The following JPH3 variants were observed in gnomAD, a reference collection of about 807,000 sequenced individuals.
JPH3 encodes the protein junctophilin-3.
In JPH3, 11 loss-of-function variants were observed where a neutral mutation model predicts 59.6. The ratio of observed to expected loss-of-function variants is 0.18; its 90% CI spans 0.12 to 0.31. JPH3 has a LOEUF of 0.31. Among genes scored for constraint, JPH3 ranks in the 10% least tolerant of loss-of-function variants. JPH3 has a pLI of 1.00. For synonymous variants in JPH3, 673 were observed against 483.6 expected (o/e 1.39, Z -5.14); for missense variants, 1,202 against 1,105.7 (o/e 1.09, Z -1.24).
intron 1 of JPH3, among the ~76,000 whole-genome samples, chr16:87,607,039 T>C (rs181810793): frequency 6.6e-6 from 1 of 152,176 alleles, no homozygotes; most frequent in Non-Finnish European, 1.5e-5. Context: ...CTTTGCTAGG[T>C]ACGTCGCTCT....
At chr16:87,608,519 G>A (rs1335886429) in intron 1 of JPH3, among the ~76,000 whole-genome samples, 1 of 152,200 alleles carries the variant, frequency 6.6e-6, no homozygotes, top group Non-Finnish European at 1.5e-5. Context: ...CTGGGGTCCT[G>A]GCTCGAACTT....
At chr16:87,625,001 G>A (rs1343087956) in intron 1 of JPH3, among the ~76,000 whole-genome samples, 2 of 152,282 alleles carry the variant, frequency 1.3e-5, no homozygotes, top group African/African-American at 4.8e-5. Flanking sequence ...GTATCAACAT[G>A]TTGGCCAGGC....
intron 1 of JPH3, chr16:87,604,120 A>G: frequency 1.5e-6 from 2 of 1,333,588 alleles, no homozygotes; most frequent in Non-Finnish European, 1.9e-6. Context: ...CTGTCGAAGC[A>G]GGCTGCTGGA....
At chr16:87,652,503 G>A (rs186099890) in intron 2 of JPH3, among the ~76,000 whole-genome samples, 54 of 152,318 alleles carry the variant, frequency 3.5e-4, no homozygotes, top group African/African-American at 1.1e-3. Flanking sequence ...TTACTCTGCC[G>A]TCCAGGCCGG....
In JPH3 at chr16:87,644,758, G is replaced by C; in HGVS notation, c.883G>C (p.Asp295His). 6.2e-7 allele frequency: 1 copy of C among 1,613,122 alleles called. No homozygotes were observed. The highest frequency in any genetic ancestry group is 1.1e-5 in the South Asian group (1 of 91,056). ...TETYVGEWKN[D>H]KRSGFGVSQR... The stretch of plus-strand genomic sequence containing the variant: ...GACCTACGTGGGCGAGTGGAAGAAC[G>C]ACAAACGCTCCGGCTTCGGCGTGAG... The change falls in exon 2 of 5, where the codon GAC becomes CAC. Residue 295 changes from aspartate (D) to histidine (H), a missense_variant. Coordinates refer to ENST00000284262, the MANE Select transcript of JPH3 (RefSeq NM_020655.4).
At chr16:87,684,297 G>T (rs201744670) in intron 3 of JPH3, 31 bp downstream of exon 3, 2 of 1,611,484 alleles carry the variant, frequency 1.2e-6, no homozygotes, top group South Asian at 2.2e-5. Flanking sequence ...TACTGGCATC[G>T]TGGGGAGGGG....
At position 87,696,686 on chromosome 16, in the gene JPH3, A is replaced by C. The variant is rs1323242640; in HGVS notation, c.*26A>C. On this transcript the variant is annotated 3_prime_UTR_variant, in exon 5 of 5. Transcript: ENST00000284262. ...TGAGATGTCGCGGTAGCAAAAATAG[A>C]GAAAGGGTAGAAAAAAGGGACATTA... The C allele has an allele frequency of 5.1e-6, 8 of 1,571,144 alleles. No homozygotes were observed. The highest frequency in any genetic ancestry group is 6.1e-6 in the Non-Finnish European group (7 of 1,142,096).
At chr16:87,632,647 C>T (rs1313046333) in intron 1 of JPH3, among the ~76,000 whole-genome samples, 1 of 152,194 alleles carries the variant, frequency 6.6e-6, no homozygotes, top group Non-Finnish European at 1.5e-5. Flanking sequence ...AATCCCAGCA[C>T]TTTGGGAGGC....
intron 2 of JPH3, among the ~76,000 whole-genome samples, chr16:87,666,557 A>C (rs978750960): frequency 4.0e-5 from 6 of 151,248 alleles, no homozygotes; most frequent in Non-Finnish European, 7.4e-5. Flanking sequence ...ATGCCTTACT[A>C]ATTTTCTTTA....
chr16:87,674,699 C>G (rs2033101809), intron 2 of JPH3, among the ~76,000 whole-genome samples: 1 of 152,184 alleles, frequency 6.6e-6, no homozygotes, highest in Non-Finnish European at 1.5e-5. Context: ...AGGAGTTTTA[C>G]TTTCATTCTG....
At chr16:87,645,252 G>C (rs946910064) in intron 2 of JPH3, among the ~76,000 whole-genome samples, 11 of 152,212 alleles carry the variant, frequency 7.2e-5, no homozygotes, top group African/African-American at 1.9e-4. Flanking sequence ...TGGTTGATTT[G>C]TGGGGGTGTA....
chr16:87,651,767 G>C (rs977005913), intron 2 of JPH3, among the ~76,000 whole-genome samples: 1 of 152,262 alleles, frequency 6.6e-6, no homozygotes, highest in African/African-American at 2.4e-5. Context: ...TCCTGGCGAA[G>C]ATGCTGCAGA....
intron 4 of JPH3, chr16:87,695,418 C>T (rs1207437913): frequency 2.2e-6 from 1 of 455,972 alleles, no homozygotes; most frequent in East Asian, 6.9e-5. Flanking sequence ...CTGTGTCGCA[C>T]AGCAGCAGGA....
rs1350136691 is a variant in JPH3, at chr16:87,689,956, C to G, written c.1596C>G (p.Gly532=). Reference sequence around the variant, plus strand: ...GGGACTGCGCCCGCAGCAGCTGGGGCGAGGAGCAGGCCGGGGGCTCCAGGG... The same window carrying G: ...GGGACTGCGCCCGCAGCAGCTGGGGGGAGGAGCAGGCCGGGGGCTCCAGGG... The part of the protein sequence containing the change: ...RAGDCARSSW[G]EEQAGGSRGV... Residue 532 remains glycine, a synonymous_variant, in exon 4 of 5, where the codon GGC becomes GGG. Transcript: ENST00000284262. 5.5e-6 allele frequency: 8 copies of G among 1,450,758 alleles called. No individual in the cohort carries two copies. The highest frequency in any genetic ancestry group is 7.2e-6 in the Non-Finnish European group (8 of 1,105,216). The allele number at this position is 1,450,758 out of a possible 1,614,324, so 89.9% of individuals were successfully genotyped here.
intron 1 of JPH3, among the ~76,000 whole-genome samples, chr16:87,631,218 TCTC>T (rs1468941736): frequency 5.9e-5 from 9 of 152,184 alleles, no homozygotes; most frequent in Non-Finnish European, 1.3e-4. Context: ...TTCCTTCACT[TCTC>T]CTGTGTTTGA....
At chr16:87,684,532 G>C (rs2033370929) in intron 3 of JPH3, 3 of 453,102 alleles carry the variant, frequency 6.6e-6, no homozygotes, top group Non-Finnish European at 1.2e-5. Context: ...CTTGCCGGCT[G>C]TCCCTGACGG....
At chr16:87,616,390 C>T (rs918887946) in intron 1 of JPH3, among the ~76,000 whole-genome samples, 50 of 150,100 alleles carry the variant, frequency 3.3e-4, no homozygotes, top group African/African-American at 1.0e-3. Flanking sequence ...CCCGCCACCA[C>T]GCCTGGTTAA....
At chr16:87,633,913 C>G (rs2031647652) in intron 1 of JPH3, among the ~76,000 whole-genome samples, 1 of 152,104 alleles carries the variant, frequency 6.6e-6, no homozygotes, top group African/African-American at 2.4e-5. Context: ...TGCTTTTGAC[C>G]AAGCAATTTC....
chr16:87,627,920 C>T (rs2031437096), intron 1 of JPH3, among the ~76,000 whole-genome samples: 1 of 152,216 alleles, frequency 6.6e-6, no homozygotes, highest in Admixed American at 6.5e-5. Flanking sequence ...ACTAACCCTG[C>T]TGTCTGCCAG....
Sources: gnomAD v4.1 joint callset for allele counts (sites outside exome capture counted in the v4.1 genomes callset) on GRCh38, gnomAD v4.1.1 for gene constraint, MANE v1.5 for transcripts, NCBI Gene and HGNC (gene_info 2026-07-23, HGNC 2026-07-21) for gene names.